RAB3IP: variants seen among roughly 807,000 people sequenced by gnomAD.
The protein encoded by RAB3IP is rab-3A-interacting protein.
Under a neutral mutation model 59.1 loss-of-function variants are expected in RAB3IP, and 36 were observed. That is an observed-to-expected ratio of 0.61 (90% CI 0.47 to 0.80). The LOEUF (loss-of-function observed/expected upper bound fraction) is 0.80, where lower values mean the gene tolerates loss of function less well. Among genes scored for constraint, RAB3IP ranks in the 30% least tolerant of loss-of-function variants. RAB3IP has a pLI of 0.00. For synonymous variants in RAB3IP, 207 were observed against 191.2 expected, an observed-to-expected ratio of 1.08 and a Z score of -0.68; for missense variants, 511 against 536.0, an observed-to-expected ratio of 0.95 and a Z score of 0.46.
intron 3 of RAB3IP, among the ~76,000 whole-genome samples, chr12:69,759,906 G>A (rs1871004812): frequency 1.3e-5 from 2 of 151,628 alleles, no homozygotes; most frequent in Non-Finnish European, 2.9e-5. Context: ...GGTCGCGGCT[G>A]GACAGAGGCG....
chr12:69,760,845 A>G (rs898543922), intron 3 of RAB3IP, among the ~76,000 whole-genome samples: 1 of 152,210 alleles, frequency 6.6e-6, no homozygotes, highest in Non-Finnish European at 1.5e-5. Flanking sequence ...TCTCACTGGC[A>G]TAAGCAATGT....
At chr12:69,754,275 T>A (rs571437902) in intron 1 of RAB3IP, among the ~76,000 whole-genome samples, 4 of 152,162 alleles carry the variant, frequency 2.6e-5, no homozygotes, top group Admixed American at 2.0e-4. Flanking sequence ...CAGATTTTGA[T>A]GATGATTTTG....
rs543634178 is a variant in RAB3IP, at chr12:69,821,988, A to G, written c.*6542A>G. 3 of 152,120 alleles carry G rather than the reference A, an allele frequency of 2.0e-5. No individual in the cohort carries two copies. The highest frequency in any genetic ancestry group is 4.4e-5 in the Non-Finnish European group (3 of 68,024). The allele number at this position is 152,120 out of a possible 1,614,324, so 9.4% of individuals were successfully genotyped here. A position where few individuals can be genotyped will look rare whatever the true frequency, so the allele number is the denominator to read the frequency against. On this transcript the variant is annotated 3_prime_UTR_variant, in exon 11 of 11. Coordinates refer to ENST00000247833, the MANE Select transcript of RAB3IP (RefSeq NM_022456.5). ...TCTCATTTCTATGATGCTTCCTGTC[A>G]CATCACTGTGCTGCTGAGAACATGA...
At chr12:69,758,867 A>G (rs1369157919) in intron 3 of RAB3IP, among the ~76,000 whole-genome samples, 1 of 148,200 alleles carries the variant, frequency 6.7e-6, no homozygotes, top group East Asian at 2.0e-4. Flanking sequence ...CTCAACAAAC[A>G]CTTTCATAAT....
At chr12:69,765,633 A>C (rs1162478251) in intron 3 of RAB3IP, among the ~76,000 whole-genome samples, 3 of 152,188 alleles carry the variant, frequency 2.0e-5, no homozygotes, top group Non-Finnish European at 4.4e-5. Context: ...AGCATGGAGC[A>C]GAGAGGACCC....
rs746360221 is a variant in RAB3IP, at chr12:69,812,893, A to G, written c.1230+16A>G. Reference sequence around the variant, plus strand: ...CAGATACAGGGTAAGTGACTTAACCATGAATTTTAATAAAGCTTGCTTTGA... The same window carrying G: ...CAGATACAGGGTAAGTGACTTAACCGTGAATTTTAATAAAGCTTGCTTTGA... On this transcript the variant is annotated intron_variant, in intron 9 of 10. Coordinates refer to ENST00000247833, the MANE Select transcript of RAB3IP (RefSeq NM_022456.5). 19 of 1,604,408 alleles carry G rather than the reference A, an allele frequency of 1.2e-5. No individual in the cohort carries two copies. The highest frequency in any genetic ancestry group is 1.5e-5 in the Non-Finnish European group (18 of 1,171,280).
rs192791897 is a variant in RAB3IP, at chr12:69,807,653, G to A, written c.1131-5125G>A. ...CTTACCTCCCAGACGAAGGGTGGCCGGGCAGAGGTGCTCCTCACATCCCAG... is the reference window on the plus strand; with the variant it reads ...CTTACCTCCCAGACGAAGGGTGGCCAGGCAGAGGTGCTCCTCACATCCCAG... On this transcript the variant is annotated intron_variant, in intron 8 of 10. Coordinates refer to ENST00000247833, the MANE Select transcript of RAB3IP (RefSeq NM_022456.5). Among the ~76,000 whole-genome samples, 874 of 146,316 alleles carry A rather than the reference G, an allele frequency of 6.0e-3. 7 individuals carry two copies. Among genetic ancestry groups the A allele is most frequent in the African/African-American group, 0.021 (824 of 39,228 alleles).
intron 1 of RAB3IP, chr12:69,739,520 C>CT (rs1165206547): frequency 2.6e-6 from 1 of 382,426 alleles, no homozygotes; most frequent in Middle Eastern, 7.6e-4. Flanking sequence ...CGCGGCAGGG[C>CT]TGTGGACCTG....
intron 8 of RAB3IP, among the ~76,000 whole-genome samples, chr12:69,810,871 G>A (rs1175918319): frequency 6.6e-6 from 1 of 152,182 alleles, no homozygotes; most frequent in Non-Finnish European, 1.5e-5. Context: ...TGGGACTAGA[G>A]TTATAGAGAT....
intron 3 of RAB3IP, among the ~76,000 whole-genome samples, chr12:69,765,897 A>T (rs1312002834): frequency 6.6e-6 from 1 of 152,206 alleles, no homozygotes; most frequent in Non-Finnish European, 1.5e-5. Context: ...TCCTTTGCTT[A>T]TGAAGCTTAG....
At position 69,799,367 on chromosome 12, in the gene RAB3IP, A is replaced by G. The variant is rs138088884; in HGVS notation, c.889-842A>G. On this transcript the variant is annotated intron_variant, in intron 6 of 10. Coordinates refer to ENST00000247833, the MANE Select transcript of RAB3IP (RefSeq NM_022456.5). ...AGTTTGGGTGGCTGATGTCAGTGCA[A>G]CTTTGTATTCCAGCAGATGCTATTG... Among the ~76,000 whole-genome samples the G allele has an allele frequency of 1.1e-4, 16 of 152,266 alleles. No individual in the cohort carries two copies. The East Asian group carries it at 3.1e-3, about 29-fold the overall frequency.
intron 1 of RAB3IP, among the ~76,000 whole-genome samples, chr12:69,753,394 A>G (rs896801320): frequency 3.3e-5 from 5 of 152,054 alleles, no homozygotes; most frequent in African/African-American, 4.8e-5. Flanking sequence ...TGGAATCTCA[A>G]TCTGTCGCCC....
chr12:69,813,279 C>T (rs1395770639), intron 10 of RAB3IP, among the ~76,000 whole-genome samples: 3 of 151,946 alleles, frequency 2.0e-5, no homozygotes, highest in Admixed American at 6.6e-5. Flanking sequence ...GAATTTTAAG[C>T]AGGGTCAGTT....
chr12:69,814,951 A>G lies in RAB3IP; in HGVS notation c.1301-413A>G, dbSNP rs1279035764. Among the ~76,000 whole-genome samples the G allele has an allele frequency of 2.6e-5, 4 of 152,276 alleles. No homozygotes were observed. In the East Asian group the frequency reaches 7.7e-4, roughly 29 times the overall value. ...GTCTTGTTTTCTTTTTTTGCCCTTC[A>G]CCCTCTGGTAGTGTTAATGAAGAGT... is the stretch of plus-strand genomic sequence containing the variant. On this transcript the variant is annotated intron_variant, in intron 10 of 10. Transcript: ENST00000247833.
intron 3 of RAB3IP, among the ~76,000 whole-genome samples, chr12:69,772,428 G>C (rs954034800): frequency 1.3e-5 from 2 of 152,098 alleles, no homozygotes; most frequent in Non-Finnish European, 2.9e-5. Context: ...AATAAGTAAA[G>C]ACATACTACT....
intron 1 of RAB3IP, among the ~76,000 whole-genome samples, chr12:69,744,641 G>A (rs534984326): frequency 1.3e-5 from 2 of 150,428 alleles, no homozygotes; most frequent in African/African-American, 4.9e-5. Flanking sequence ...GCAGTGAGCC[G>A]AGATTGTGCC....
rs1881023715 is a variant in RAB3IP, at chr12:69,815,387, A to G, written c.1324A>G (p.Met442Val). The G allele has an allele frequency of 6.2e-7, 1 of 1,611,748 alleles. No individual in the cohort carries two copies. Among genetic ancestry groups the G allele is most frequent in the Non-Finnish European group, 8.5e-7 (1 of 1,177,966 alleles). Residue 442 changes from methionine to valine, a missense_variant, in exon 11 of 11, where the codon ATG becomes GTG. Met to Val is a conservative substitution (Grantham distance 21, BLOSUM62 1). Transcript: ENST00000247833. ...QDVDQMFWEVMQLRKEMSLAK... is the reference protein window; with the variant it reads ...QDVDQMFWEVVQLRKEMSLAK... The stretch of plus-strand genomic sequence containing the variant: ...AGTTGATCAGATGTTTTGGGAGGTT[A>G]TGCAGTTGAGAAAAGAGATGTCATT...
chr12:69,800,653 A>G (rs1878230844), intron 7 of RAB3IP, among the ~76,000 whole-genome samples: 1 of 152,148 alleles, frequency 6.6e-6, no homozygotes, highest in Non-Finnish European at 1.5e-5. Context: ...GAAGTTCTCT[A>G]CACACTCTGT....
At chr12:69,795,436 T>C in intron 6 of RAB3IP, 92 bp downstream of exon 6, 1 of 1,032,984 alleles carries the variant, frequency 9.7e-7, no homozygotes. Flanking sequence ...CAGCAAAATT[T>C]TTAGTACAAA....
Sources: allele counts gnomAD v4.1 joint callset (sites outside exome capture counted in the v4.1 genomes callset), GRCh38; gene constraint gnomAD v4.1.1; transcripts MANE v1.5; gene names NCBI Gene and HGNC (gene_info 2026-07-23, HGNC 2026-07-21).